Variants in EPB41L4A observed in about 807,000 individuals in gnomAD.
EPB41L4A encodes erythrocyte membrane protein band 4.1 like 4A.
EPB41L4A carries 100 observed loss-of-function variants against 108.6 expected under a neutral mutation model. The ratio of observed to expected loss-of-function variants is 0.92; its 90% CI spans 0.78 to 1.09. The LOEUF is 1.09. Among genes scored for constraint, EPB41L4A ranks in the 50% least tolerant of loss-of-function variants. The pLI, the probability that EPB41L4A is intolerant of heterozygous loss-of-function variation, is 0.00. For synonymous variants in EPB41L4A, 319 were observed against 289.0 expected, an observed-to-expected ratio of 1.10 and a Z score of -1.05; for missense variants, 1,030 against 842.7, an observed-to-expected ratio of 1.22 and a Z score of -2.75.
intron 18 of EPB41L4A, among the ~76,000 whole-genome samples, chr5:112,174,599 T>A (rs1360712293): frequency 6.6e-6 from 1 of 152,126 alleles, no homozygotes; most frequent in South Asian, 2.1e-4. Flanking sequence ...GAAACAAACA[T>A]ATCATAAATC....
At chr5:112,176,339 G>A (rs1030113062) in intron 18 of EPB41L4A, among the ~76,000 whole-genome samples, 19 of 152,136 alleles carry the variant, frequency 1.2e-4, no homozygotes, top group Non-Finnish European at 1.8e-4. Context: ...CTCAGTTTGT[G>A]CTATATGAAG....
At chr5:112,390,896 T>G (rs1484132253) in intron 1 of EPB41L4A, among the ~76,000 whole-genome samples, 1 of 152,190 alleles carries the variant, frequency 6.6e-6, no homozygotes, top group Non-Finnish European at 1.5e-5. Flanking sequence ...TATTTGCTGT[T>G]CTGCAGCCTC....
In EPB41L4A at chr5:112,326,261, C is replaced by G. The variant is rs76165800; in HGVS notation, c.100-18771G>C. On this transcript the variant is annotated intron_variant, in intron 1 of 22. Coordinates refer to ENST00000261486, the MANE Select transcript of EPB41L4A (RefSeq NM_022140.5). Reference sequence around the variant, plus strand: ...CCCAGGATCAGGTGGAGGGTCGGTGCCCCCAATCCACCTCAAAGGCATGCC... The same window carrying G: ...CCCAGGATCAGGTGGAGGGTCGGTGGCCCCAATCCACCTCAAAGGCATGCC... 4.4e-3 allele frequency among the ~76,000 whole-genome samples: 672 copies of G among 152,012 alleles called. 9 individuals are homozygous for G. The highest frequency in any genetic ancestry group is 0.016 in the African/African-American group (656 of 41,434).
chr5:112,198,120 G>A (rs771679095), intron 15 of EPB41L4A, among the ~76,000 whole-genome samples: 5 of 151,740 alleles, frequency 3.3e-5, no homozygotes, highest in Non-Finnish European at 7.4e-5. Flanking sequence ...TGCAACCTCC[G>A]CCTTCCGGGT....
At chr5:112,404,554 T>C (rs912324243) in intron 1 of EPB41L4A, among the ~76,000 whole-genome samples, 1 of 152,170 alleles carries the variant, frequency 6.6e-6, no homozygotes, top group South Asian at 2.1e-4. Context: ...CTGCAAAACA[T>C]TAAGTGACTT....
intron 1 of EPB41L4A, 23 bp downstream of exon 1, chr5:112,418,918 A>C (rs199600866): frequency 1.3e-6 from 2 of 1,597,804 alleles, no homozygotes; most frequent in Admixed American, 1.7e-5. Flanking sequence ...CAACCCCCGG[A>C]ACGCGCTCCG....
chr5:112,362,141 A>G (rs917937607), intron 1 of EPB41L4A, among the ~76,000 whole-genome samples: 3 of 152,184 alleles, frequency 2.0e-5, no homozygotes. Flanking sequence ...TCTGTCACCC[A>G]GGCTGGAGTG....
rs868199392 is a variant in EPB41L4A, at chr5:112,307,386, C to T, written c.204G>A (p.Thr68=). Reference sequence around the variant, plus strand: ...TTTAACACAAAGTCACCTTACTCACCGTCTGATGGCTTCTGTCACAGTAAC... The same window carrying T: ...TTTAACACAAAGTCACCTTACTCACTGTCTGATGGCTTCTGTCACAGTAAC... ...GLRYCDRSHQ[T]YWLDPAKTLA... is the part of the protein sequence containing the mutation. Residue 68 remains threonine, a splice_region_variant and synonymous_variant, in exon 2 of 23, where the codon ACG becomes ACA. Coordinates refer to ENST00000261486, the MANE Select transcript of EPB41L4A (RefSeq NM_022140.5). The T allele has an allele frequency of 7.5e-6, 12 of 1,598,716 alleles. No individual in the cohort carries two copies. Among genetic ancestry groups the T allele is most frequent in the East Asian group, 2.2e-5 (1 of 44,774 alleles).
chr5:112,226,251 G>A (rs1306589463), intron 12 of EPB41L4A, among the ~76,000 whole-genome samples: 2 of 152,210 alleles, frequency 1.3e-5, no homozygotes, highest in African/African-American at 4.8e-5. Context: ...CAACACAGGA[G>A]TAGTTCCGCT....
chr5:112,148,926 C>A (rs2112797011), intron 12 of EPB41L4A, among the ~76,000 whole-genome samples: 1 of 152,220 alleles, frequency 6.6e-6, no homozygotes, highest in Middle Eastern at 3.4e-3. Flanking sequence ...TTATATCTTC[C>A]ATTTCATTGA....
chr5:112,157,484 A>T (rs1759691333), intron 12 of EPB41L4A, among the ~76,000 whole-genome samples: 1 of 152,152 alleles, frequency 6.6e-6, no homozygotes, highest in Non-Finnish European at 1.5e-5. Context: ...AACAACATAC[A>T]TTCATTATCT....
chr5:112,305,282 C>T (rs1754613282), intron 2 of EPB41L4A, among the ~76,000 whole-genome samples: 1 of 152,080 alleles, frequency 6.6e-6, no homozygotes, highest in African/African-American at 2.4e-5. Flanking sequence ...TATTTACAGT[C>T]GGTGGTGCAC....
At chr5:112,170,496 A>C in intron 19 of EPB41L4A, 127 bp from the exon 20 acceptor site, 1 of 644,776 alleles carries the variant, frequency 1.6e-6, no homozygotes, top group Non-Finnish European at 2.7e-6. Context: ...AACTAATGAA[A>C]ATTTATAAAA....
chr5:112,408,802 C>T (rs748238593), intron 1 of EPB41L4A, among the ~76,000 whole-genome samples: 3 of 148,414 alleles, frequency 2.0e-5, no homozygotes, highest in Non-Finnish European at 4.4e-5. Flanking sequence ...TGCTACTTCA[C>T]ACCCAATAGG....
At chr5:112,372,527 G>C (rs1759557193) in intron 1 of EPB41L4A, among the ~76,000 whole-genome samples, 1 of 152,188 alleles carries the variant, frequency 6.6e-6, no homozygotes, top group Non-Finnish European at 1.5e-5. Flanking sequence ...AAGAGAAGGA[G>C]AATCTTCCAG....
At chr5:112,416,863 G>A (rs1221726475) in intron 1 of EPB41L4A, among the ~76,000 whole-genome samples, 1 of 152,126 alleles carries the variant, frequency 6.6e-6, no homozygotes, top group Non-Finnish European at 1.5e-5. Flanking sequence ...TTATAAATAT[G>A]CAAATATATT....
intron 12 of EPB41L4A, among the ~76,000 whole-genome samples, chr5:112,220,904 C>G (rs1747997181): frequency 6.6e-6 from 1 of 152,186 alleles, no homozygotes; most frequent in African/African-American, 2.4e-5. Context: ...CTAAGCCCCC[C>G]TCCAGGTTAT....
chr5:112,215,828 G>A (rs150933133), intron 12 of EPB41L4A, among the ~76,000 whole-genome samples: 38 of 151,452 alleles, frequency 2.5e-4, no homozygotes, highest in African/African-American at 4.1e-4. Flanking sequence ...AAGGCTGCTC[G>A]TATTTTGAAG....
intron 1 of EPB41L4A, among the ~76,000 whole-genome samples, chr5:112,344,971 A>G (rs1757546006): frequency 6.6e-6 from 1 of 152,266 alleles, no homozygotes; most frequent in Non-Finnish European, 1.5e-5. Flanking sequence ...CCACATAAGA[A>G]GTCTCAATAA....
Sources: gnomAD v4.1 joint callset for allele counts (sites outside exome capture counted in the v4.1 genomes callset) on GRCh38, gnomAD v4.1.1 for gene constraint, MANE v1.5 for transcripts, NCBI Gene and HGNC (gene_info 2026-07-23, HGNC 2026-07-21) for gene names.